Variants in NCK1 observed in about 807,000 individuals in gnomAD.
NCK1 encodes the protein SH2/SH3 adapter protein NCK1.
NCK1 carries 19 observed loss-of-function variants against 36.6 expected under a neutral mutation model. That is an observed-to-expected ratio of 0.52 (90% CI 0.36 to 0.76). The LOEUF is 0.76. Among genes scored for constraint, NCK1 ranks in the 30% least tolerant of loss-of-function variants. The pLI is 0.00. For missense variants in NCK1, 358 were observed against 445.6 expected, an observed-to-expected ratio of 0.80 and a Z score of 1.77; for synonymous variants, 165 against 156.0, an observed-to-expected ratio of 1.06 and a Z score of -0.43.
At chr3:136,943,554 G>A (rs1434843197) in intron 2 of NCK1, among the ~76,000 whole-genome samples, 2 of 152,144 alleles carry the variant, frequency 1.3e-5, no homozygotes, top group Non-Finnish European at 2.9e-5. Flanking sequence ...TAGAGAGGAA[G>A]GTCAAGTATG....
intron 2 of NCK1, among the ~76,000 whole-genome samples, chr3:136,937,943 A>C (rs540400744): frequency 1.3e-5 from 1 of 78,384 alleles, no homozygotes; most frequent in South Asian, 4.8e-4. Context: ...GTTAAATAAA[A>C]GTGGTGGAAG....
chr3:136,926,829 A>G (rs1576982270), intron 1 of NCK1, among the ~76,000 whole-genome samples: 1 of 152,250 alleles, frequency 6.6e-6, no homozygotes, highest in African/African-American at 2.4e-5. Context: ...ACATTGAGAC[A>G]TTCTTTATGG....
chr3:136,945,687 G>A lies in NCK1; in HGVS notation c.331G>A (p.Ala111Thr), dbSNP rs1056277981. 2 of 1,614,048 alleles carry A rather than the reference G, an allele frequency of 1.2e-6. No homozygotes were observed. The highest frequency in any genetic ancestry group is 1.1e-5 in the South Asian group (1 of 91,084). The change falls in exon 3 of 4, where the codon GCT (alanine) becomes ACT (threonine). Residue 111 changes from alanine to threonine, a missense_variant. Physicochemically the swap from Ala to Thr is moderately conservative, Grantham distance 58. Around this residue, in one of 3 missense-constraint regions of NCK1, gnomAD observed 143 missense variants for 162.4 expected, o/e 0.88. Transcript: ENST00000481752. ...ACGTCTCTATGACCTCAACATGCCC[G>A]CTTATGTGAAATTTAACTACATGGC... ...GERLYDLNMP[A>T]YVKFNYMAER... is the part of the protein sequence containing the mutation.
At chr3:136,894,758 TGTGTCTGATAA>T (rs1461956902) in intron 1 of NCK1, among the ~76,000 whole-genome samples, 2 of 152,254 alleles carry the variant, frequency 1.3e-5, no homozygotes, top group African/African-American at 4.8e-5. Flanking sequence ...TGCTCAGTTC[TGTGTCTGATAA>T]GTTGTTTCCT....
chr3:136,926,268 A>T (rs1004022642), intron 1 of NCK1, among the ~76,000 whole-genome samples: 3 of 147,296 alleles, frequency 2.0e-5, no homozygotes, highest in Middle Eastern at 3.5e-3. Flanking sequence ...TTTAAATTTT[A>T]TTATTATTAT....
chr3:136,884,371 T>G (rs1939019867), intron 1 of NCK1, among the ~76,000 whole-genome samples: 1 of 152,216 alleles, frequency 6.6e-6, no homozygotes, highest in Admixed American at 6.5e-5. Flanking sequence ...GATCAGAGGG[T>G]ACCTTGGGTT....
intron 1 of NCK1, among the ~76,000 whole-genome samples, chr3:136,906,173 G>A (rs1560042655): frequency 1.3e-5 from 2 of 152,128 alleles, no homozygotes; most frequent in Admixed American, 6.5e-5. Flanking sequence ...TGTAGTCTCT[G>A]TGTGTTTTCT....
chr3:136,893,017 G>C (rs1003818112), intron 1 of NCK1, among the ~76,000 whole-genome samples: 1 of 150,416 alleles, frequency 6.6e-6, no homozygotes, highest in South Asian at 2.1e-4. Flanking sequence ...TCCCACTTAT[G>C]AATGGAGAAT....
chr3:136,890,447 C>T (rs1939210983), intron 1 of NCK1, among the ~76,000 whole-genome samples: 1 of 152,220 alleles, frequency 6.6e-6, no homozygotes, highest in South Asian at 2.1e-4. Context: ...AAGGGGCTCC[C>T]ACAGTGCAGT....
intron 1 of NCK1, among the ~76,000 whole-genome samples, chr3:136,868,975 C>T (rs918191145): frequency 6.6e-5 from 10 of 152,064 alleles, no homozygotes; most frequent in African/African-American, 2.4e-4. Context: ...CGGTGGCTCA[C>T]GTCTGTAATC....
At chr3:136,921,652 A>G (rs768507142) in intron 1 of NCK1, among the ~76,000 whole-genome samples, 1 of 152,262 alleles carries the variant, frequency 6.6e-6, no homozygotes, top group Non-Finnish European at 1.5e-5. Flanking sequence ...GACAGATTTT[A>G]TTCAGTAACT....
chr3:136,867,185 T>C (rs574065183), intron 1 of NCK1, among the ~76,000 whole-genome samples: 1 of 74,722 alleles, frequency 1.3e-5, no homozygotes, highest in African/African-American at 3.1e-5. Context: ...TCCTTCTTTC[T>C]TTCTTTTCTT....
At chr3:136,935,518 A>G (rs894501983) in intron 2 of NCK1, among the ~76,000 whole-genome samples, 1 of 152,158 alleles carries the variant, frequency 6.6e-6, no homozygotes, top group African/African-American at 2.4e-5. Context: ...TAGGAAGATC[A>G]GACTGGTTGA....
chr3:136,910,999 A>G (rs1471148894), intron 1 of NCK1, among the ~76,000 whole-genome samples: 3 of 152,098 alleles, frequency 2.0e-5, no homozygotes, highest in Non-Finnish European at 4.4e-5. Context: ...TAGATTCCAC[A>G]TGTATGTGAG....
At chr3:136,870,303 C>A (rs1230142636) in intron 1 of NCK1, among the ~76,000 whole-genome samples, 1 of 150,652 alleles carries the variant, frequency 6.6e-6, no homozygotes, top group Admixed American at 6.6e-5. Context: ...GATCATGCCA[C>A]TGCACTCCAG....
chr3:136,906,229 T>C (rs1939680824), intron 1 of NCK1, among the ~76,000 whole-genome samples: 1 of 152,216 alleles, frequency 6.6e-6, no homozygotes, highest in African/African-American at 2.4e-5. Context: ...CTTAGGTGGC[T>C]TAGATTGTGG....
chr3:136,933,173 C>G (rs1264129614), intron 2 of NCK1, among the ~76,000 whole-genome samples: 1 of 152,150 alleles, frequency 6.6e-6, no homozygotes, highest in Non-Finnish European at 1.5e-5. Context: ...TCAACACAGT[C>G]CATGGTGACA....
At chr3:136,930,393 A>C in intron 2 of NCK1, 2 of 1,184,876 alleles carry the variant, frequency 1.7e-6, no homozygotes, top group South Asian at 8.6e-5. Context: ...AGGAAAAAAA[A>C]GTTTTGGAAA....
chr3:136,917,723 T>A (rs1940005417), intron 1 of NCK1, among the ~76,000 whole-genome samples: 1 of 152,230 alleles, frequency 6.6e-6, no homozygotes, highest in Non-Finnish European at 1.5e-5. Flanking sequence ...CGTTTCTTTA[T>A]TTATAACAGT....
Sources: gnomAD v4.1 joint callset for allele counts (sites outside exome capture counted in the v4.1 genomes callset) on GRCh38, gnomAD v4.1.1 for gene constraint, gnomAD v4.1.1 regional missense constraint, MANE v1.5 for transcripts, NCBI Gene and HGNC (gene_info 2026-07-23, HGNC 2026-07-21) for gene names.